Variants in CEP112 observed in about 807,000 individuals in gnomAD.
The protein encoded by CEP112 is centrosomal protein 112.
Under a neutral mutation model 153.0 loss-of-function variants are expected in CEP112, and 127 were observed. The observed-to-expected ratio is 0.83, with a 90% confidence interval of 0.72 to 0.96. CEP112 has a LOEUF of 0.96. Among genes scored for constraint, CEP112 ranks in the 40% least tolerant of loss-of-function variants. The pLI is 0.00. For missense variants in CEP112, 1,089 were observed against 1,101.2 expected, an observed-to-expected ratio of 0.99 and a Z score of 0.16; for synonymous variants, 358 against 374.4, an observed-to-expected ratio of 0.96 and a Z score of 0.51.
chr17:65,792,418 T>A (rs2054643123), intron 21 of CEP112, among the ~76,000 whole-genome samples: 1 of 152,210 alleles, frequency 6.6e-6, no homozygotes, highest in African/African-American at 2.4e-5. Flanking sequence ...TCCTTAAACA[T>A]GCTTTGTAGC....
chr17:66,045,308 G>A (rs9894904), intron 12 of CEP112, among the ~76,000 whole-genome samples: 35,574 of 152,012 alleles, frequency 0.23, 6,114 homozygotes, highest in African/African-American at 0.49. Flanking sequence ...GGGCTCAAGT[G>A]ATCCACCTGC....
chr17:66,113,355 T>C (rs1431185396), intron 6 of CEP112, among the ~76,000 whole-genome samples: 1 of 152,110 alleles, frequency 6.6e-6, no homozygotes, highest in African/African-American at 2.4e-5. Flanking sequence ...CATGCAATTC[T>C]GCAAATATAC....
At chr17:66,002,891 A>G (rs2064121035) in intron 17 of CEP112, among the ~76,000 whole-genome samples, 1 of 152,234 alleles carries the variant, frequency 6.6e-6, no homozygotes, top group South Asian at 2.1e-4. Context: ...ATATTTTTAA[A>G]GAAAAAATTT....
chr17:66,048,670 C>T (rs2056232), intron 12 of CEP112, among the ~76,000 whole-genome samples: 62,476 of 151,942 alleles, frequency 0.41, 14,307 homozygotes, highest in East Asian at 0.87. Context: ...AGTGCAGTGG[C>T]GTGATCTCGG....
intron 21 of CEP112, among the ~76,000 whole-genome samples, chr17:65,771,732 T>C (rs2053367522): frequency 6.6e-6 from 1 of 152,142 alleles, no homozygotes. Context: ...GAAAGAATCA[T>C]GGCTAGGCAT....
chr17:65,984,688 A>C (rs1218176862), intron 17 of CEP112, among the ~76,000 whole-genome samples: 2 of 152,216 alleles, frequency 1.3e-5, no homozygotes, highest in African/African-American at 4.8e-5. Context: ...ACATACATAA[A>C]AATATTAAAA....
At chr17:65,984,438 G>A (rs1253909244) in intron 17 of CEP112, among the ~76,000 whole-genome samples, 1 of 152,160 alleles carries the variant, frequency 6.6e-6, no homozygotes, top group Non-Finnish European at 1.5e-5. Context: ...TCGAAACGTT[G>A]CACAGGCCAA....
chr17:66,075,932 C>A (rs1652510323), intron 8 of CEP112, among the ~76,000 whole-genome samples: 1 of 152,168 alleles, frequency 6.6e-6, no homozygotes, highest in Admixed American at 6.5e-5. Context: ...CAAACACACA[C>A]CCCCACTGGG....
intron 8 of CEP112, among the ~76,000 whole-genome samples, chr17:66,093,526 T>C (rs1770155155): frequency 6.6e-6 from 1 of 151,846 alleles, no homozygotes; most frequent in African/African-American, 2.4e-5. Flanking sequence ...GTAGCCATTT[T>C]ATACACTGAC....
intron 23 of CEP112, among the ~76,000 whole-genome samples, chr17:65,735,586 A>C (rs989221088): frequency 6.6e-6 from 1 of 152,090 alleles, no homozygotes; most frequent in Admixed American, 6.6e-5. Context: ...AAGTTGAGAA[A>C]TTGTAAGTTG....
chr17:65,820,320 T>C (rs1386026210), intron 21 of CEP112, among the ~76,000 whole-genome samples: 2 of 152,090 alleles, frequency 1.3e-5, no homozygotes, highest in Non-Finnish European at 1.5e-5. Context: ...CTCCCAGCAT[T>C]GTACCCTAAA....
Position 65,698,063 on chromosome 17 carries a change from C to CTTATTT in CEP112, c.2608-8851_2608-8846dup, listed in dbSNP as rs540389492. 1.5e-4 allele frequency among the ~76,000 whole-genome samples: 23 copies of CTTATTT among 152,034 alleles called. No individual in the cohort carries two copies. In the South Asian group the frequency reaches 4.8e-3, roughly 32 times the overall value. On this transcript the variant is annotated intron_variant, in intron 23 of 26. Transcript: ENST00000535342. ...GTTTTTTTTCACATTCCCAGCAACA[C>CTTATTT]TTATTTTTTTTTCTTAAAAAAACAA...
intron 23 of CEP112, among the ~76,000 whole-genome samples, chr17:65,697,237 T>C (rs972877710): frequency 5.3e-5 from 8 of 152,198 alleles, no homozygotes; most frequent in African/African-American, 1.9e-4. Context: ...CAGACAGACG[T>C]GATGCCTGAG....
At chr17:65,726,018 G>A (rs765790594) in intron 23 of CEP112, among the ~76,000 whole-genome samples, 4 of 152,106 alleles carry the variant, frequency 2.6e-5, no homozygotes, top group African/African-American at 7.2e-5. Flanking sequence ...ACCCAGTACT[G>A]TGGGTGTTAT....
intron 20 of CEP112, among the ~76,000 whole-genome samples, chr17:65,859,759 G>A (rs8075226): frequency 0.93 from 138,020 of 148,696 alleles, 64,324 homozygotes; most frequent in Non-Finnish European, 0.97. Context: ...CTGTAATCCC[G>A]GCACTTTGGG....
chr17:66,011,726 A>G (rs2064536966), intron 16 of CEP112, among the ~76,000 whole-genome samples: 1 of 152,174 alleles, frequency 6.6e-6, no homozygotes, highest in African/African-American at 2.4e-5. Context: ...GATGTTATAC[A>G]TGCATTTGGT....
intron 24 of CEP112, chr17:65,644,405 A>G: frequency 1.9e-6 from 1 of 535,686 alleles, no homozygotes; most frequent in Non-Finnish European, 3.5e-6. Flanking sequence ...CTGGAGATGA[A>G]CTCGGACCTC....
intron 13 of CEP112, 102 bp from the exon 14 acceptor site, chr17:66,029,354 A>T (rs930954777): frequency 1.5e-4 from 144 of 987,706 alleles, no homozygotes; most frequent in Non-Finnish European, 2.0e-4. Context: ...CATTCAATAT[A>T]TTAAATAAGT....
At chr17:65,901,988 G>GT (rs1555702028) in intron 20 of CEP112, among the ~76,000 whole-genome samples, 164 bp downstream of exon 20, 4 of 43,456 alleles carry the variant, frequency 9.2e-5, no homozygotes, top group African/African-American at 2.7e-4. Flanking sequence ...CAAAACGGGG[G>GT]GGGGGGGGGG....
Sources: gnomAD v4.1 joint callset for allele counts (sites outside exome capture counted in the v4.1 genomes callset) on GRCh38, gnomAD v4.1.1 for gene constraint, MANE v1.5 for transcripts, NCBI Gene and HGNC (gene_info 2026-07-23, HGNC 2026-07-21) for gene names.